WWOX: variants seen among roughly 807,000 people sequenced by gnomAD.
The protein encoded by WWOX is WW domain-containing oxidoreductase.
In WWOX, 69 loss-of-function variants were observed where a neutral mutation model predicts 46.2. The ratio of observed to expected loss-of-function variants is 1.49; its 90% CI spans 1.23 to 1.82. WWOX has a LOEUF of 1.82. Among genes scored for constraint, WWOX ranks in the 40% most tolerant of loss-of-function variants. WWOX has a pLI of 0.00. For missense variants in WWOX, 919 were observed against 542.6 expected, an observed-to-expected ratio of 1.69 and a Z score of -6.89; for synonymous variants, 359 against 202.6, an observed-to-expected ratio of 1.77 and a Z score of -6.56.
intron 8 of WWOX, among the ~76,000 whole-genome samples, chr16:78,762,386 T>C (rs935231818): frequency 1.3e-5 from 2 of 152,178 alleles, no homozygotes; most frequent in Non-Finnish European, 2.9e-5. Context: ...AACCAGAGTC[T>C]CTTGGTGACT....
intron 8 of WWOX, among the ~76,000 whole-genome samples, chr16:78,783,453 T>A (rs1244844385): frequency 6.6e-6 from 1 of 152,082 alleles, no homozygotes; most frequent in African/African-American, 2.4e-5. Context: ...TCAGCTTTAT[T>A]TTATGTAAGC....
At position 78,701,546 on chromosome 16, in the gene WWOX, T is replaced by C. The variant is rs572567745; in HGVS notation, c.1056+268794T>C. 2.2e-3 allele frequency among the ~76,000 whole-genome samples: 332 copies of C among 152,016 alleles called. 1 individual carries two copies. Among genetic ancestry groups the C allele is most frequent in the Non-Finnish European group, 3.9e-3 (267 of 67,962 alleles). ...CCTGTCTCTACTCCCTCTCCCTACT[T>C]TTCTCTTTTTCCCAGCCTCCCCCCG... On this transcript the variant is annotated intron_variant, in intron 8 of 8. Coordinates refer to ENST00000566780, the MANE Select transcript of WWOX (RefSeq NM_016373.4).
At chr16:79,109,459 C>T (rs1452235034) in intron 8 of WWOX, among the ~76,000 whole-genome samples, 4 of 152,108 alleles carry the variant, frequency 2.6e-5, no homozygotes, top group Middle Eastern at 3.4e-3. Context: ...GAAGAGAGAG[C>T]CGGGCAGGTT....
intron 8 of WWOX, among the ~76,000 whole-genome samples, chr16:78,476,845 G>C (rs62034158): frequency 6.6e-6 from 1 of 151,920 alleles, no homozygotes; most frequent in African/African-American, 2.4e-5. Flanking sequence ...TGTTTTGTTC[G>C]TTTTTCTTTT....
intron 8 of WWOX, among the ~76,000 whole-genome samples, chr16:79,189,052 A>AG (rs1394150188): frequency 1.2e-4 from 19 of 152,342 alleles, no homozygotes; most frequent in Non-Finnish European, 2.6e-4. Context: ...GAAAAAGAAA[A>AG]GAAAAAAAAT....
intron 8 of WWOX, among the ~76,000 whole-genome samples, chr16:78,686,435 C>T (rs916335396): frequency 2.0e-5 from 3 of 151,588 alleles, no homozygotes; most frequent in Admixed American, 6.6e-5. Flanking sequence ...GGTGTCAACC[C>T]GGGAGGTGGA....
chr16:79,158,375 A>C (rs1047817863), intron 8 of WWOX, among the ~76,000 whole-genome samples: 1 of 152,220 alleles, frequency 6.6e-6, no homozygotes, highest in African/African-American at 2.4e-5. Flanking sequence ...AAGGGAAACC[A>C]AGTCAGGCTT....
chr16:78,377,869 A>G (rs1205432635), intron 5 of WWOX, among the ~76,000 whole-genome samples: 2 of 152,212 alleles, frequency 1.3e-5, no homozygotes, highest in Non-Finnish European at 2.9e-5. Context: ...AATTACCTAT[A>G]GATATTGACA....
At chr16:78,165,294 T>C (rs577074193) in intron 5 of WWOX, among the ~76,000 whole-genome samples, 1 of 152,346 alleles carries the variant, frequency 6.6e-6, no homozygotes, top group South Asian at 2.1e-4. Flanking sequence ...TGCACCTCTG[T>C]GATGGGTGCT....
intron 8 of WWOX, among the ~76,000 whole-genome samples, chr16:78,704,989 G>A (rs569617497): frequency 3.3e-5 from 5 of 150,730 alleles, no homozygotes; most frequent in South Asian, 2.1e-4. Flanking sequence ...TAACCTGTCC[G>A]CCATTTAACA....
intron 5 of WWOX, among the ~76,000 whole-genome samples, chr16:78,354,853 G>C (rs145554676): frequency 6.6e-6 from 1 of 152,130 alleles, no homozygotes; most frequent in Non-Finnish European, 1.5e-5. Flanking sequence ...AGAGATGACA[G>C]CCAGGGGTGG....
intron 8 of WWOX, among the ~76,000 whole-genome samples, chr16:78,697,501 A>T (rs1020670261): frequency 6.6e-6 from 1 of 152,172 alleles, no homozygotes; most frequent in Non-Finnish European, 1.5e-5. Flanking sequence ...ATACAAATCT[A>T]TACGTCTATA....
chr16:78,249,632 C>G (rs13330701), intron 5 of WWOX, among the ~76,000 whole-genome samples: 2,595 of 152,270 alleles, frequency 0.017, 64 homozygotes, highest in African/African-American at 0.056. Context: ...GGCTACCCAA[C>G]AGTGCAAGTG....
intron 8 of WWOX, among the ~76,000 whole-genome samples, chr16:78,475,727 C>G (rs2151439622): frequency 6.6e-6 from 1 of 152,264 alleles, no homozygotes; most frequent in East Asian, 1.9e-4. Flanking sequence ...TCCCCAGTAG[C>G]TGGGATTACA....
chr16:78,332,242 C>G (rs2080775706), intron 5 of WWOX, among the ~76,000 whole-genome samples: 1 of 152,156 alleles, frequency 6.6e-6, no homozygotes, highest in Non-Finnish European at 1.5e-5. Context: ...GACAGAATCC[C>G]AGATCCCAGA....
At chr16:78,595,764 A>G (rs1110136) in intron 8 of WWOX, among the ~76,000 whole-genome samples, 18,953 of 152,254 alleles carry the variant, frequency 0.12, 1,325 homozygotes, top group East Asian at 0.22. Context: ...TAGCATAGCC[A>G]TCATCTCAAA....
chr16:79,040,274 G>T (rs1006855610), intron 8 of WWOX, among the ~76,000 whole-genome samples: 2 of 87,422 alleles, frequency 2.3e-5, no homozygotes, highest in African/African-American at 5.4e-5. Context: ...TTTCTGAGTT[G>T]ATTTTTTTTT....
At chr16:78,955,186 G>T (rs2046140296) in intron 8 of WWOX, among the ~76,000 whole-genome samples, 1 of 152,142 alleles carries the variant, frequency 6.6e-6, no homozygotes, top group Non-Finnish European at 1.5e-5. Context: ...AGACTGCAGG[G>T]GTCAGAGATC....
chr16:79,115,824 C>T (rs2049505072), intron 8 of WWOX, among the ~76,000 whole-genome samples: 1 of 152,196 alleles, frequency 6.6e-6, no homozygotes, highest in Non-Finnish European at 1.5e-5. Flanking sequence ...AGAGCATATA[C>T]ACCAGCTTTC....
Sources: gnomAD v4.1 joint callset for allele counts (sites outside exome capture counted in the v4.1 genomes callset) on GRCh38, gnomAD v4.1.1 for gene constraint, MANE v1.5 for transcripts, NCBI Gene and HGNC (gene_info 2026-07-23, HGNC 2026-07-21) for gene names.